The following SUCLG2 variants were observed in gnomAD, a reference collection of about 807,000 sequenced individuals.
SUCLG2 encodes succinate-CoA ligase GDP-forming subunit beta, also known as succinate--CoA ligase [GDP-forming] subunit beta, mitochondrial.
A neutral mutation model predicts 47.9 loss-of-function variants in SUCLG2; 42 were observed. The observed-to-expected ratio is 0.88, with a 90% CI of 0.69 to 1.14. SUCLG2 has a LOEUF of 1.14. Among genes scored for constraint, SUCLG2 ranks in the 50% most tolerant of loss-of-function variants. The pLI, the probability that SUCLG2 is intolerant of heterozygous loss-of-function variation, is 0.00. For synonymous variants in SUCLG2, 195 were observed against 197.3 expected (o/e 0.99, Z 0.10); for missense variants, 571 against 525.9 (o/e 1.09, Z -0.84).
At chr3:67,540,541 C>A (rs1240782587) in intron 2 of SUCLG2, among the ~76,000 whole-genome samples, 1 of 152,216 alleles carries the variant, frequency 6.6e-6, no homozygotes, top group East Asian at 1.9e-4. Flanking sequence ...AAGGCAGCAG[C>A]CCCAGTCAGG....
At chr3:67,391,962 C>A (rs942862209) in intron 10 of SUCLG2, among the ~76,000 whole-genome samples, 6 of 152,152 alleles carry the variant, frequency 3.9e-5, no homozygotes, top group African/African-American at 1.4e-4. Context: ...TGTCTGAGGT[C>A]GTTCTGTTGC....
At chr3:67,450,965 C>A (rs13088154) in intron 9 of SUCLG2, among the ~76,000 whole-genome samples, 1 of 152,142 alleles carries the variant, frequency 6.6e-6, no homozygotes. Flanking sequence ...GTTTATTGAG[C>A]GCTTACTCTG....
At chr3:67,557,390 A>G (rs1371587367) in intron 2 of SUCLG2, among the ~76,000 whole-genome samples, 2 of 152,144 alleles carry the variant, frequency 1.3e-5, no homozygotes, top group African/African-American at 4.8e-5. Context: ...CATTTATTGA[A>G]TTCCTACCAC....
chr3:67,426,787 G>A (rs1462126214), intron 9 of SUCLG2, among the ~76,000 whole-genome samples: 1 of 152,076 alleles, frequency 6.6e-6, no homozygotes, highest in Non-Finnish European at 1.5e-5. Flanking sequence ...AATTAGCCAG[G>A]TGTGGTGGTT....
chr3:67,582,869 A>T (rs2253041), intron 2 of SUCLG2, among the ~76,000 whole-genome samples: 2 of 151,704 alleles, frequency 1.3e-5, no homozygotes, highest in Admixed American at 6.6e-5. Context: ...CCCCTCCCCC[A>T]CCAAAAAAAA....
At chr3:67,496,050 C>A (rs762520717) in intron 8 of SUCLG2, 110 bp from the exon 9 acceptor site, 2 of 1,298,344 alleles carry the variant, frequency 1.5e-6, no homozygotes, top group Non-Finnish European at 2.1e-6. Context: ...CATTGCCAGG[C>A]CAATTTATAT....
At chr3:67,547,656 G>C (rs1033691911) in intron 2 of SUCLG2, among the ~76,000 whole-genome samples, 1 of 152,118 alleles carries the variant, frequency 6.6e-6, no homozygotes, top group Non-Finnish European at 1.5e-5. Flanking sequence ...TGTCCAAAAA[G>C]CTAAAAACAG....
chr3:67,404,821 CATT>C (rs886403858), intron 9 of SUCLG2, among the ~76,000 whole-genome samples: 16 of 152,234 alleles, frequency 1.1e-4, no homozygotes, highest in South Asian at 2.1e-4. Context: ...CTCGTGACAT[CATT>C]ATTATTATTT....
At chr3:67,507,457 A>G (rs1284342759) in intron 7 of SUCLG2, among the ~76,000 whole-genome samples, 1 of 151,786 alleles carries the variant, frequency 6.6e-6, no homozygotes, top group African/African-American at 2.4e-5. Flanking sequence ...ATACTCATAT[A>G]TGATTTCATC....
At chr3:67,633,561 T>A (rs555051664) in intron 1 of SUCLG2, among the ~76,000 whole-genome samples, 9 of 152,300 alleles carry the variant, frequency 5.9e-5, no homozygotes, top group African/African-American at 2.2e-4. Context: ...CTCCCCAGGT[T>A]TGGATGAAAT....
At chr3:67,585,616 C>CTAT (rs1274939894) in intron 2 of SUCLG2, among the ~76,000 whole-genome samples, 1 of 152,130 alleles carries the variant, frequency 6.6e-6, no homozygotes, top group Non-Finnish European at 1.5e-5. Context: ...GTACATATCA[C>CTAT]CATCATGCTG....
intron 2 of SUCLG2, among the ~76,000 whole-genome samples, chr3:67,591,886 A>G (rs959315240): frequency 4.6e-5 from 7 of 152,204 alleles, no homozygotes; most frequent in Admixed American, 1.3e-4. Flanking sequence ...TTTCTATGTA[A>G]TTAAATAGTT....
At chr3:67,542,968 C>T (rs1191956306) in intron 2 of SUCLG2, among the ~76,000 whole-genome samples, 1 of 152,132 alleles carries the variant, frequency 6.6e-6, no homozygotes, top group East Asian at 1.9e-4. Flanking sequence ...ACCAAGCAGA[C>T]CTAATAGACA....
At chr3:67,602,762 A>G (rs551206716) in intron 2 of SUCLG2, among the ~76,000 whole-genome samples, 18 of 152,314 alleles carry the variant, frequency 1.2e-4, no homozygotes, top group Non-Finnish European at 2.1e-4. Flanking sequence ...CTGAATAACA[A>G]TATTTATTCG....
intron 9 of SUCLG2, among the ~76,000 whole-genome samples, chr3:67,442,034 G>A (rs1225284051): frequency 3.2e-4 from 45 of 140,818 alleles, no homozygotes; most frequent in Non-Finnish European, 5.0e-4. Flanking sequence ...TTTTTGAGAC[G>A]AAGTCTCGCT....
In SUCLG2 at chr3:67,387,577, T is replaced by C. The variant is rs146366102; in HGVS notation, c.1184-11718A>G. 1.9e-3 allele frequency among the ~76,000 whole-genome samples: 282 copies of C among 152,370 alleles called. 1 individual carries two copies. Among genetic ancestry groups the C allele is most frequent in the Admixed American group, 3.3e-3 (50 of 15,308 alleles). On this transcript the variant is annotated intron_variant, in intron 10 of 10. Transcript: ENST00000307227. ...AGCTAGTTACCCTGCCTTAAATTTT[T>C]CCCAAAAGATTTAAAGGAGTGCATC...
intron 1 of SUCLG2, among the ~76,000 whole-genome samples, chr3:67,637,346 T>C (rs1320695068): frequency 2.0e-5 from 3 of 152,178 alleles, no homozygotes; most frequent in African/African-American, 4.8e-5. Flanking sequence ...AAAACACTTA[T>C]TCAGAAGATT....
chr3:67,637,369 T>C, intron 1 of SUCLG2, among the ~76,000 whole-genome samples: 1 of 152,152 alleles, frequency 6.6e-6, no homozygotes, highest in Admixed American at 6.5e-5. Context: ...AATAAAAAAT[T>C]AATAACCACT....
chr3:67,398,698 G>C (rs1702609295), intron 10 of SUCLG2, among the ~76,000 whole-genome samples: 1 of 152,116 alleles, frequency 6.6e-6, no homozygotes. Context: ...TATAAATCAT[G>C]CTGCTATAAG....
Sources: gnomAD v4.1 joint callset for allele counts (sites outside exome capture counted in the v4.1 genomes callset) on GRCh38, gnomAD v4.1.1 for gene constraint, MANE v1.5 for transcripts, NCBI Gene and HGNC (gene_info 2026-07-23, HGNC 2026-07-21) for gene names.